SDR16C5: variants seen among roughly 807,000 people sequenced by gnomAD.
SDR16C5 encodes the protein epidermal retinol dehydrogenase 2.
SDR16C5 carries 20 observed loss-of-function variants against 27.7 expected under a neutral mutation model. The ratio of observed to expected loss-of-function variants is 0.72; its 90% CI spans 0.51 to 1.05. The LOEUF is 1.05. SDR16C5 is among the 50% of genes least tolerant of loss of function. SDR16C5 has a pLI of 0.00. For missense variants in SDR16C5, 374 were observed against 366.3 expected (o/e 1.02, Z -0.17); for synonymous variants, 139 against 132.3 (o/e 1.05, Z -0.35).
intron 1 of SDR16C5, among the ~76,000 whole-genome samples, chr8:56,317,148 A>G (rs1171255798): frequency 6.6e-6 from 1 of 152,140 alleles, no homozygotes; most frequent in East Asian, 1.9e-4. Context: ...CTCTTCATCT[A>G]TATTGGTCCC....
chr8:56,319,803 G>C (rs1365042822), intron 1 of SDR16C5, among the ~76,000 whole-genome samples: 1 of 152,192 alleles, frequency 6.6e-6, no homozygotes, highest in African/African-American at 2.4e-5. Flanking sequence ...GAGGCTGGCA[G>C]CTCACCCCCG....
chr8:56,302,520 A>C (rs1317877719), intron 6 of SDR16C5, among the ~76,000 whole-genome samples: 1 of 151,646 alleles, frequency 6.6e-6, no homozygotes, highest in Non-Finnish European at 1.5e-5. Flanking sequence ...TAAAAATACA[A>C]AAATTAGCCA....
intron 6 of SDR16C5, among the ~76,000 whole-genome samples, chr8:56,302,671 TC>T (rs1190892356): frequency 3.8e-5 from 4 of 104,332 alleles, no homozygotes; most frequent in Non-Finnish European, 5.7e-5. Context: ...AGAGTCCATC[TC>T]AAAAAAAAAA....
chr8:56,306,305 C>T (rs1413487350), intron 5 of SDR16C5, among the ~76,000 whole-genome samples: 1 of 152,186 alleles, frequency 6.6e-6, no homozygotes. Context: ...GTGTATGATA[C>T]TTCATTATAG....
At chr8:56,307,070 C>A (rs1814905586) in intron 4 of SDR16C5, among the ~76,000 whole-genome samples, 1 of 152,192 alleles carries the variant, frequency 6.6e-6, no homozygotes, top group African/African-American at 2.4e-5. Context: ...GATCCTGTCT[C>A]AGGTCACACT....
intron 1 of SDR16C5, among the ~76,000 whole-genome samples, chr8:56,318,417 C>T (rs1313513356): frequency 1.3e-5 from 2 of 152,198 alleles, no homozygotes; most frequent in African/African-American, 4.8e-5. Context: ...ATATCAAATA[C>T]ATGGAGCCTG....
intron 1 of SDR16C5, among the ~76,000 whole-genome samples, chr8:56,316,836 C>T (rs1298161407): frequency 1.3e-5 from 2 of 152,116 alleles, no homozygotes; most frequent in East Asian, 1.9e-4. Flanking sequence ...TTTGCATTCT[C>T]GTTAATTTTG....
chr8:56,303,290 G>A (rs570516179), intron 6 of SDR16C5, among the ~76,000 whole-genome samples: 7 of 150,226 alleles, frequency 4.7e-5, no homozygotes, highest in Admixed American at 1.3e-4. Flanking sequence ...ACTCCAGCCC[G>A]GGTGATGAGC....
chr8:56,316,243 C>T lies in SDR16C5; in HGVS notation c.105G>A (p.Arg35=), dbSNP rs761318505. ...AMIFALLPKP[R]KNVAGEIVLI... ...GGACTATTTCACCAGCAACGTTCTT[C>T]CGTGGCTTTGGGAGTAAGGCAAAAA... The change falls in exon 2 of 7, where the codon CGG becomes CGA. Residue 35 remains arginine, a synonymous_variant. Transcript: ENST00000303749. The T allele has an allele frequency of 1.2e-6, 2 of 1,613,936 alleles. No individual in the cohort carries two copies. Among genetic ancestry groups the T allele is most frequent in the Admixed American group, 1.7e-5 (1 of 60,026 alleles).
chr8:56,312,089 A>T, intron 3 of SDR16C5, 68 bp downstream of exon 3: 1 of 1,368,332 alleles, frequency 7.3e-7, no homozygotes, highest in Non-Finnish European at 1.0e-6. Context: ...ATTGTAAAAG[A>T]GCAAGAGGAA....
At position 56,301,164 on chromosome 8, in the gene SDR16C5, C is replaced by T; in HGVS notation, c.*316G>A. On this transcript the variant is annotated 3_prime_UTR_variant, in exon 7 of 7. Coordinates refer to ENST00000303749, the MANE Select transcript of SDR16C5 (RefSeq NM_138969.4). Reference sequence around the variant, plus strand: ...CGCTGGCTCCATTTGAGCCACCTCCCCAACGACCAAAGCTCAGGGCAGCTC... The same window carrying T: ...CGCTGGCTCCATTTGAGCCACCTCCTCAACGACCAAAGCTCAGGGCAGCTC... 1 of 231,126 alleles carries T rather than the reference C, an allele frequency of 4.3e-6. No homozygotes were observed. Among genetic ancestry groups the T allele is most frequent in the South Asian group, 7.0e-5 (1 of 14,322 alleles). The allele number at this position is 231,126 out of a possible 1,614,324, so 14.3% of individuals were successfully genotyped here.
At chr8:56,317,275 C>G (rs1815223849) in intron 1 of SDR16C5, among the ~76,000 whole-genome samples, 1 of 152,062 alleles carries the variant, frequency 6.6e-6, no homozygotes, top group African/African-American at 2.4e-5. Context: ...TAGTGCTGCC[C>G]ACCAAGAAGG....
At chr8:56,312,084 A>G (rs1269129966) in intron 3 of SDR16C5, 73 bp downstream of exon 3, 1 of 1,340,390 alleles carries the variant, frequency 7.5e-7, no homozygotes, top group East Asian at 2.3e-5. Context: ...ATAATATTGT[A>G]AAAGAGCAAG....
intron 2 of SDR16C5, among the ~76,000 whole-genome samples, chr8:56,315,618 C>T (rs887388554): frequency 2.0e-5 from 3 of 152,024 alleles, no homozygotes; most frequent in Non-Finnish European, 2.9e-5. Flanking sequence ...TGCCTCTATC[C>T]CTCCATTAAC....
intron 3 of SDR16C5, chr8:56,309,599 T>C (rs1001446931): frequency 1.0e-6 from 1 of 984,130 alleles, no homozygotes; most frequent in Non-Finnish European, 1.2e-6. Flanking sequence ...AGAAAGAAGG[T>C]AAAAGAGACA....
intron 3 of SDR16C5, 124 bp downstream of exon 3, chr8:56,312,033 C>G (rs1815056786): frequency 7.7e-6 from 6 of 780,186 alleles, no homozygotes; most frequent in Non-Finnish European, 1.2e-5. Context: ...TAGAACAGGA[C>G]AAGTCCAAAA....
rs1382020220 is a variant in SDR16C5 at position 56,318,064 on chromosome 8, C to G, written c.-14-1703G>C. Among the ~76,000 whole-genome samples, 9 of 152,244 alleles carry G rather than the reference C, an allele frequency of 5.9e-5. No homozygotes were observed. In the South Asian group the frequency reaches 1.9e-3, roughly 32 times the overall value. On this transcript the variant is annotated intron_variant, in intron 1 of 6. Coordinates refer to ENST00000303749, the MANE Select transcript of SDR16C5 (RefSeq NM_138969.4). ...AGATTGGGCTTGGGAGAGGAAGCAA[C>G]AGATGTCTGCTGGAAAGTGACCCTT...
Position 56,312,253 on chromosome 8 carries a change from G to A in SDR16C5, c.369C>T (p.Ile123=), listed in dbSNP as rs780920067. 1.2e-6 allele frequency: 2 copies of A among 1,613,516 alleles called. No homozygotes were observed. The highest frequency in any genetic ancestry group is 1.7e-6 in the Non-Finnish European group (2 of 1,179,454). ...KKEVGDVSIL[I]NNAGIVTGKK... ...TGCCTGTTACGATTCCGGCATTGTTGATTAGGATGGAAACATCGCCGACTT... is the reference window on the plus strand; with the variant it reads ...TGCCTGTTACGATTCCGGCATTGTTAATTAGGATGGAAACATCGCCGACTT... Residue 123 remains isoleucine (I), a synonymous_variant, in exon 3 of 7, where the codon ATC becomes ATT. Transcript: ENST00000303749.
chr8:56,316,937 C>A (rs1398766875), intron 1 of SDR16C5, among the ~76,000 whole-genome samples: 3 of 152,130 alleles, frequency 2.0e-5, no homozygotes, highest in African/African-American at 4.8e-5. Flanking sequence ...TGTTCTAGAC[C>A]TTTTCCGACA....
Sources: gnomAD v4.1 joint callset for allele counts (sites outside exome capture counted in the v4.1 genomes callset) on GRCh38, gnomAD v4.1.1 for gene constraint, MANE v1.5 for transcripts, NCBI Gene and HGNC (gene_info 2026-07-23, HGNC 2026-07-21) for gene names.